FOXP1: variants seen among roughly 807,000 people sequenced by gnomAD.
FOXP1 encodes the protein forkhead box protein P1.
Under a neutral mutation model 98.2 loss-of-function variants are expected in FOXP1, and 15 were observed. That is an observed-to-expected ratio of 0.15 (90% CI 0.10 to 0.24). The LOEUF (loss-of-function observed/expected upper bound fraction) is 0.24. Among genes scored for constraint, FOXP1 ranks in the 10% least tolerant of loss-of-function variants. The probability of loss-of-function intolerance (pLI) is 1.00; values close to 1 mark genes in which losing one functional copy is unlikely to be tolerated. For missense variants in FOXP1, 633 were observed against 848.5 expected, an observed-to-expected ratio of 0.75 and a Z score of 3.15; for synonymous variants, 371 against 314.5, an observed-to-expected ratio of 1.18 and a Z score of -1.90.
rs1560438424 is a variant in FOXP1, at chr3:71,405,726, A to AT, written c.-167-46483dup. ...AGGGTCCAGGCAACAGTATTTATTT[A>AT]TTTATTTATTTATTTTTTTGAGATG... On this transcript the variant is annotated intron_variant, in intron 3 of 20. Coordinates refer to ENST00000649528, the MANE Select transcript of FOXP1 (RefSeq NM_001349338.3). Among the ~76,000 whole-genome samples, 19 of 151,678 alleles carry AT rather than the reference A, an allele frequency of 1.3e-4. No individual in the cohort carries two copies. The South Asian group carries it at 3.6e-3, about 28-fold the overall frequency.
At chr3:71,578,486 G>A (rs993800322) in intron 2 of FOXP1, among the ~76,000 whole-genome samples, 1 of 152,148 alleles carries the variant, frequency 6.6e-6, no homozygotes, top group Non-Finnish European at 1.5e-5. Context: ...ACCTAACCTT[G>A]TCTAAATATA....
chr3:71,482,441 T>G (rs1396900972), intron 3 of FOXP1, among the ~76,000 whole-genome samples: 1 of 146,874 alleles, frequency 6.8e-6, no homozygotes, highest in Non-Finnish European at 1.5e-5. Context: ...AGGTCTCAGC[T>G]CACTGCAACC....
intron 10 of FOXP1, among the ~76,000 whole-genome samples, chr3:71,046,667 T>G (rs1027930733): frequency 4.6e-5 from 7 of 152,152 alleles, no homozygotes; most frequent in Admixed American, 2.0e-4. Flanking sequence ...GCTCAGTAAG[T>G]GAAAAGTAGC....
At chr3:70,988,649 G>T (rs188779730) in intron 13 of FOXP1, among the ~76,000 whole-genome samples, 21 of 152,266 alleles carry the variant, frequency 1.4e-4, no homozygotes, top group Admixed American at 1.2e-3. Flanking sequence ...TTGAGTACCT[G>T]CTATGTGCTA....
intron 14 of FOXP1, among the ~76,000 whole-genome samples, chr3:70,979,279 CAAAAAAAAAAA>C (rs544916383): frequency 3.1e-3 from 130 of 42,508 alleles, no homozygotes; most frequent in Admixed American, 0.017. Flanking sequence ...GACTCTACCT[CAAAAAAAAAAA>C]AAAAAAAAAA....
intron 4 of FOXP1, among the ~76,000 whole-genome samples, chr3:71,343,472 T>G (rs1045852551): frequency 6.6e-6 from 1 of 152,170 alleles, no homozygotes; most frequent in Non-Finnish European, 1.5e-5. Flanking sequence ...TAAATGGCTT[T>G]GTGTCCTTTT....
At chr3:71,023,357 G>A (rs192971089) in intron 11 of FOXP1, among the ~76,000 whole-genome samples, 4 of 152,248 alleles carry the variant, frequency 2.6e-5, no homozygotes, top group Admixed American at 2.0e-4. Flanking sequence ...TTGTCTGCAC[G>A]GTAAGAGACT....
At chr3:71,130,915 C>A in intron 6 of FOXP1, 1 of 1,348,838 alleles carries the variant, frequency 7.4e-7, no homozygotes, top group Non-Finnish European at 9.5e-7. Context: ...ACAGCACACG[C>A]AGTGCGCCCT....
intron 6 of FOXP1, among the ~76,000 whole-genome samples, chr3:71,169,926 G>A (rs2061567578): frequency 6.6e-6 from 1 of 152,042 alleles, no homozygotes; most frequent in Non-Finnish European, 1.5e-5. Flanking sequence ...TTAAAACGAT[G>A]GGATGAATCG....
intron 5 of FOXP1, among the ~76,000 whole-genome samples, chr3:71,269,448 A>T (rs2070106940): frequency 6.6e-6 from 1 of 152,200 alleles, no homozygotes; most frequent in African/African-American, 2.4e-5. Context: ...TAGGCCCAAG[A>T]ATATGGCCAT....
At chr3:71,121,885 T>G (rs1395485461) in intron 6 of FOXP1, among the ~76,000 whole-genome samples, 1 of 152,156 alleles carries the variant, frequency 6.6e-6, no homozygotes, top group African/African-American at 2.4e-5. Context: ...TAGAAAAACT[T>G]GGGGTCAAAT....
intron 3 of FOXP1, among the ~76,000 whole-genome samples, chr3:71,430,716 T>A (rs954323042): frequency 6.6e-6 from 1 of 152,070 alleles, no homozygotes; most frequent in Non-Finnish European, 1.5e-5. Context: ...CTGCCCAGAT[T>A]CTAGGAAAAT....
In FOXP1 at chr3:71,019,776, A is replaced by T. The variant is rs2045124914; in HGVS notation, c.870-4123T>A. Among the ~76,000 whole-genome samples, 3 of 152,218 alleles carry T rather than the reference A, an allele frequency of 2.0e-5. No individual in the cohort carries two copies. In the South Asian group the frequency reaches 6.2e-4, roughly 32 times the overall value. ...AACCTGGGAGGCAGAGGTTGCAGTGAGCCCGATTGCACCACTGCACTCCAG... is the reference window on the plus strand; with the variant it reads ...AACCTGGGAGGCAGAGGTTGCAGTGTGCCCGATTGCACCACTGCACTCCAG... On this transcript the variant is annotated intron_variant, in intron 11 of 20. Coordinates refer to ENST00000649528, the MANE Select transcript of FOXP1 (RefSeq NM_001349338.3).
chr3:71,421,183 C>A (rs376098389), intron 3 of FOXP1, among the ~76,000 whole-genome samples: 1 of 151,968 alleles, frequency 6.6e-6, no homozygotes, highest in Admixed American at 6.6e-5. Flanking sequence ...GAGACCTGAG[C>A]GACAAATTCT....
chr3:71,258,124 T>C (rs1398726546), intron 5 of FOXP1, among the ~76,000 whole-genome samples: 1 of 152,232 alleles, frequency 6.6e-6, no homozygotes, highest in East Asian at 1.9e-4. Flanking sequence ...GGCAAGAATT[T>C]GTGGCTTTCG....
At chr3:71,500,739 G>T (rs985128002) in intron 2 of FOXP1, among the ~76,000 whole-genome samples, 1 of 152,078 alleles carries the variant, frequency 6.6e-6, no homozygotes, top group Non-Finnish European at 1.5e-5. Flanking sequence ...CAGCCAAGTC[G>T]TTCCTCTGCC....
intron 6 of FOXP1, among the ~76,000 whole-genome samples, chr3:71,194,585 T>G (rs1576321538): frequency 7.4e-5 from 2 of 27,006 alleles, no homozygotes; most frequent in Middle Eastern, 0.038. Flanking sequence ...TAAAATCCTT[T>G]CTTTAAGGAA....
At chr3:71,485,338 T>C (rs2090569695) in intron 3 of FOXP1, among the ~76,000 whole-genome samples, 1 of 152,216 alleles carries the variant, frequency 6.6e-6, no homozygotes, top group African/African-American at 2.4e-5. Context: ...ACCTAGATTC[T>C]AGATTTATCA....
At chr3:71,419,804 TA>T (rs955956576) in intron 3 of FOXP1, among the ~76,000 whole-genome samples, 2 of 151,724 alleles carry the variant, frequency 1.3e-5, no homozygotes, top group African/African-American at 2.4e-5. Flanking sequence ...AGGAGCTAGG[TA>T]TTTTTTTTTA....
Sources: gnomAD v4.1 joint callset for allele counts (sites outside exome capture counted in the v4.1 genomes callset) on GRCh38, gnomAD v4.1.1 for gene constraint, MANE v1.5 for transcripts, NCBI Gene and HGNC (gene_info 2026-07-23, HGNC 2026-07-21) for gene names.